Variants in XKR3 observed in about 807,000 individuals in gnomAD.
The protein encoded by XKR3 is XK-related protein 3.
Under a neutral mutation model 40.3 loss-of-function variants are expected in XKR3, and 27 were observed. The ratio of observed to expected loss-of-function variants is 0.67; its 90% confidence interval spans 0.49 to 0.92. The LOEUF is 0.92. Among genes scored for constraint, XKR3 ranks in the 40% least tolerant of loss-of-function variants. XKR3 has a pLI of 0.00. For synonymous variants in XKR3, 193 were observed against 195.4 expected, an observed-to-expected ratio of 0.99 and a Z score of 0.10; for missense variants, 472 against 537.6, an observed-to-expected ratio of 0.88 and a Z score of 1.21.
At chr22:16,807,445 A>G (rs567355392) in intron 2 of XKR3, among the ~76,000 whole-genome samples, 1 of 152,312 alleles carries the variant, frequency 6.6e-6, no homozygotes, top group South Asian at 2.1e-4. Context: ...TAACTATTTA[A>G]AATGCCCATT....
At chr22:16,794,767 C>T (rs2060133582) in intron 3 of XKR3, among the ~76,000 whole-genome samples, 1 of 152,168 alleles carries the variant, frequency 6.6e-6, no homozygotes, top group East Asian at 1.9e-4. Flanking sequence ...ACCCAACCAT[C>T]TGTGGTCTTC....
At chr22:16,789,212 G>A (rs2060103808) in intron 3 of XKR3, among the ~76,000 whole-genome samples, 1 of 152,048 alleles carries the variant, frequency 6.6e-6, no homozygotes, top group African/African-American at 2.4e-5. Flanking sequence ...AAATTGGAAA[G>A]AAAGAAGTAA....
At chr22:16,798,573 A>T (rs1247379774) in intron 3 of XKR3, among the ~76,000 whole-genome samples, 2 of 152,220 alleles carry the variant, frequency 1.3e-5, no homozygotes, top group Non-Finnish European at 2.9e-5. Flanking sequence ...GGATCAACTC[A>T]GGTGCCCATC....
At chr22:16,793,503 A>C (rs1278841464) in intron 3 of XKR3, among the ~76,000 whole-genome samples, 1 of 152,186 alleles carries the variant, frequency 6.6e-6, no homozygotes, top group East Asian at 1.9e-4. Flanking sequence ...ACTTCATGTT[A>C]TTTAGGTGTA....
intron 3 of XKR3, among the ~76,000 whole-genome samples, chr22:16,795,750 T>C (rs2060137737): frequency 3.3e-5 from 5 of 152,128 alleles, no homozygotes; most frequent in Admixed American, 3.3e-4. Flanking sequence ...GAGGATTACT[T>C]GAGGTCAAGA....
chr22:16,792,999 T>C lies in XKR3; in HGVS notation c.589+6772A>G, dbSNP rs1350043447. On this transcript the variant is annotated intron_variant, in intron 3 of 3. Transcript: ENST00000684488. ...ATGTCTACATTCCTGCTGACTATTT[T>C]TTATTTTTTATTTTATTTTATTTAT... 2.6e-5 allele frequency among the ~76,000 whole-genome samples: 4 copies of C among 152,208 alleles called. No homozygotes were observed. The East Asian group carries it at 7.7e-4, about 29-fold the overall frequency.
At chr22:16,819,130 G>A (rs534446614) in intron 1 of XKR3, among the ~76,000 whole-genome samples, 3 of 151,994 alleles carry the variant, frequency 2.0e-5, no homozygotes, top group African/African-American at 7.2e-5. Context: ...TAAAACACTG[G>A]TGAAAGAAAT....
chr22:16,812,023 A>T (rs1435058471), intron 1 of XKR3, among the ~76,000 whole-genome samples: 1 of 152,048 alleles, frequency 6.6e-6, no homozygotes, highest in Admixed American at 6.5e-5. Context: ...AACAAAACAA[A>T]CAAAAAACAA....
chr22:16,793,924 A>G (rs1406665986), intron 3 of XKR3, among the ~76,000 whole-genome samples: 1 of 152,210 alleles, frequency 6.6e-6, no homozygotes, highest in Non-Finnish European at 1.5e-5. Flanking sequence ...TAAGAGGGGA[A>G]TAGACCAAGC....
At chr22:16,797,967 A>G (rs984371971) in intron 3 of XKR3, among the ~76,000 whole-genome samples, 12 of 151,878 alleles carry the variant, frequency 7.9e-5, no homozygotes, top group Non-Finnish European at 2.9e-5. Context: ...TGAGGTCAGG[A>G]GTTCAAGACC....
intron 3 of XKR3, among the ~76,000 whole-genome samples, chr22:16,797,008 ATAAAG>A (rs2060144005): frequency 4.6e-5 from 7 of 152,236 alleles, no homozygotes; most frequent in African/African-American, 1.7e-4. Flanking sequence ...GAACCCAGGT[ATAAAG>A]CCACACACCT....
At chr22:16,807,289 A>ATTCCAGGATGTCTGGAAAAT (rs1199752396) in intron 2 of XKR3, among the ~76,000 whole-genome samples, 2 of 152,206 alleles carry the variant, frequency 1.3e-5, no homozygotes, top group African/African-American at 4.8e-5. Context: ...ACAGCTACAA[A>ATTCCAGGATGTCTGGAAAAT]TTCCAGGATG....
At chr22:16,819,367 A>G (rs1239134980) in intron 1 of XKR3, among the ~76,000 whole-genome samples, 1 of 152,184 alleles carries the variant, frequency 6.6e-6, no homozygotes, top group Non-Finnish European at 1.5e-5. Flanking sequence ...GACTTATTAC[A>G]CAGCCAAAGT....
chr22:16,788,108 C>A (rs4819888), intron 3 of XKR3, among the ~76,000 whole-genome samples: 123,390 of 152,058 alleles, frequency 0.81, 50,472 homozygotes, highest in Middle Eastern at 0.97. Context: ...TTGATGAATT[C>A]GAAGAGATCA....
In XKR3 at chr22:16,783,525, A is replaced by T. The variant is rs1357924576; in HGVS notation, c.*94T>A. ...AATTTTATTAGAAACCACTTCCAAG[A>T]TTTTGCTGTGTATATTTTTTAAATT... On this transcript the variant is annotated 3_prime_UTR_variant, in exon 4 of 4. Coordinates refer to ENST00000684488, the MANE Select transcript of XKR3 (RefSeq NM_001386955.1). 1 of 1,029,590 alleles carries T rather than the reference A, an allele frequency of 9.7e-7. No homozygotes were observed. The highest frequency in any genetic ancestry group is 1.3e-6 in the Non-Finnish European group (1 of 748,538). The allele number at this position is 1,029,590 out of a possible 1,614,324, so 63.8% of individuals were successfully genotyped here.
chr22:16,785,120 A>C (rs2060084357), intron 3 of XKR3, among the ~76,000 whole-genome samples: 1 of 152,190 alleles, frequency 6.6e-6, no homozygotes, highest in African/African-American at 2.4e-5. Flanking sequence ...GATTGAGACC[A>C]TCCTGGCTAA....
intron 1 of XKR3, among the ~76,000 whole-genome samples, chr22:16,819,666 A>T (rs1331971180): frequency 6.6e-6 from 1 of 152,114 alleles, no homozygotes; most frequent in Admixed American, 6.6e-5. Context: ...AGGAAACTTT[A>T]AAAAATAATA....
intron 3 of XKR3, among the ~76,000 whole-genome samples, chr22:16,798,561 T>A (rs1245639695): frequency 1.3e-5 from 2 of 152,180 alleles, no homozygotes; most frequent in Non-Finnish European, 2.9e-5. Context: ...AGCAAAGACA[T>A]GGGATCAACT....
chr22:16,808,545 G>A (rs1388115962), intron 1 of XKR3, among the ~76,000 whole-genome samples: 1 of 152,196 alleles, frequency 6.6e-6, no homozygotes, highest in Admixed American at 6.5e-5. Flanking sequence ...ATACAGAATA[G>A]TGAGGCCTTT....
Sources: gnomAD v4.1 joint callset for allele counts (sites outside exome capture counted in the v4.1 genomes callset) on GRCh38, gnomAD v4.1.1 for gene constraint, MANE v1.5 for transcripts, NCBI Gene and HGNC (gene_info 2026-07-23, HGNC 2026-07-21) for gene names.